PPM1B: variants seen among roughly 807,000 people sequenced by gnomAD.
PPM1B encodes the protein protein phosphatase, Mg2+/Mn2+ dependent 1B.
PPM1B carries 22 observed loss-of-function variants against 43.0 expected under a neutral mutation model. The observed-to-expected ratio is 0.51, with a 90% confidence interval of 0.37 to 0.73. The LOEUF (loss-of-function observed/expected upper bound fraction) is 0.73. PPM1B is among the 30% of genes least tolerant of loss of function. The pLI is 0.00. For synonymous variants in PPM1B, 217 were observed against 197.9 expected (o/e 1.10, Z -0.81); for missense variants, 632 against 584.2 (o/e 1.08, Z -0.84).
chr2:44,221,273 G>T (rs1669967015), intron 5 of PPM1B, among the ~76,000 whole-genome samples: 2 of 152,268 alleles, frequency 1.3e-5, no homozygotes, highest in Non-Finnish European at 2.9e-5. Context: ...ATTTTAAATG[G>T]GGAAATATTA....
chr2:44,214,636 AC>A (rs1420765072), intron 3 of PPM1B, among the ~76,000 whole-genome samples: 2 of 152,114 alleles, frequency 1.3e-5, no homozygotes, highest in Admixed American at 1.3e-4. Flanking sequence ...GGAAGCATCA[AC>A]ATAAGGGGTT....
At position 44,231,408 on chromosome 2, in the gene PPM1B, C is replaced by T. The variant is rs969541705; in HGVS notation, c.*690C>T. 4.1e-6 allele frequency: 4 copies of T among 974,288 alleles called. No homozygotes were observed. Among genetic ancestry groups the T allele is most frequent in the Non-Finnish European group, 4.9e-6 (4 of 819,958 alleles). 60.4% of individuals were successfully genotyped at this position (974,288 alleles called of 1,614,324 possible). On this transcript the variant is annotated 3_prime_UTR_variant, in exon 6 of 6. Transcript: ENST00000282412. Reference sequence around the variant, plus strand: ...TACACACATCAAAATGTATGTCAACCAAGTGTTTAGAATGAAATTATAAGT... The same window carrying T: ...TACACACATCAAAATGTATGTCAACTAAGTGTTTAGAATGAAATTATAAGT...
chr2:44,225,816 C>G (rs1268533794), intron 5 of PPM1B, among the ~76,000 whole-genome samples: 1 of 151,980 alleles, frequency 6.6e-6, no homozygotes, highest in East Asian at 1.9e-4. Context: ...ACCACCACGC[C>G]TGGCTAATTT....
intron 1 of PPM1B, among the ~76,000 whole-genome samples, chr2:44,190,375 T>G (rs1668353260): frequency 6.6e-6 from 1 of 152,120 alleles, no homozygotes; most frequent in Non-Finnish European, 1.5e-5. Context: ...GCCAGGCTGG[T>G]CTCAAACTCT....
intron 1 of PPM1B, among the ~76,000 whole-genome samples, chr2:44,200,280 AT>A (rs1668873183): frequency 6.6e-6 from 1 of 152,222 alleles, no homozygotes; most frequent in South Asian, 2.1e-4. Flanking sequence ...TGTAGAAAAC[AT>A]ACCAGAGAAT....
downstream of PPM1B, chr2:44,232,991 A>G (rs902391462): frequency 1.4e-5 from 14 of 980,788 alleles, no homozygotes; most frequent in African/African-American, 1.6e-4. Context: ...AATTTTATGC[A>G]TGTATCTACT....
chr2:44,183,632 C>T (rs1343424530), intron 1 of PPM1B, among the ~76,000 whole-genome samples: 3 of 152,166 alleles, frequency 2.0e-5, no homozygotes, highest in Admixed American at 2.0e-4. Flanking sequence ...ACCAGTGAGC[C>T]CCAGGAGGAA....
intron 5 of PPM1B, among the ~76,000 whole-genome samples, chr2:44,243,689 C>G (rs1477884314): frequency 1.3e-5 from 2 of 152,010 alleles, no homozygotes; most frequent in Non-Finnish European, 1.5e-5. Flanking sequence ...TATAAGCATT[C>G]TATTTTATCG....
intron 5 of PPM1B, among the ~76,000 whole-genome samples, chr2:44,225,224 A>G (rs1004349431): frequency 6.6e-6 from 1 of 152,240 alleles, no homozygotes; most frequent in African/African-American, 2.4e-5. Flanking sequence ...AGGAGGACAT[A>G]GAATGGAATA....
intron 1 of PPM1B, among the ~76,000 whole-genome samples, chr2:44,193,563 A>C (rs946411914): frequency 1.3e-5 from 2 of 149,820 alleles, no homozygotes; most frequent in South Asian, 4.2e-4. Context: ...CCAGCTAATT[A>C]AAATTTTTTT....
At chr2:44,234,374 C>G (rs929866149), downstream of PPM1B, 14 of 502,952 alleles carry the variant, frequency 2.8e-5, no homozygotes, top group Non-Finnish European at 3.6e-5. Context: ...CAAAGATTAG[C>G]TGGGCATGGT....
chr2:44,212,591 G>GT (rs1485387578), intron 3 of PPM1B, among the ~76,000 whole-genome samples: 1 of 152,150 alleles, frequency 6.6e-6, no homozygotes, highest in Admixed American at 6.5e-5. Context: ...TTGCTGATAT[G>GT]TTTGAGTTTA....
At chr2:44,186,606 C>A (rs1668131971) in intron 1 of PPM1B, among the ~76,000 whole-genome samples, 1 of 152,184 alleles carries the variant, frequency 6.6e-6, no homozygotes, top group Non-Finnish European at 1.5e-5. Context: ...AACTGCTGGA[C>A]TCAGGCAATC....
chr2:44,226,932 TTTTA>T (rs566508514), intron 5 of PPM1B, among the ~76,000 whole-genome samples: 8,811 of 134,926 alleles, frequency 0.065, 878 homozygotes, highest in African/African-American at 0.21. Flanking sequence ...ATGGGAAACT[TTTTA>T]TTTATTTATT....
At position 44,194,898 on chromosome 2, in the gene PPM1B, CT is replaced by C. The variant is rs796213050; in HGVS notation, c.-14-6270del. Among the ~76,000 whole-genome samples, 688 of 123,216 alleles carry C rather than the reference CT, an allele frequency of 5.6e-3. 1 individual carries two copies. Among genetic ancestry groups the C allele is most frequent in the African/African-American group, 0.014 (448 of 32,336 alleles). 80.8% of individuals were successfully genotyped at this position (123,216 alleles called of 152,430 possible). ...TGCAAGATAGACCTCCAGTCTTTTG[CT>C]TTTTTTTTTTTTTTTTTGAGACGGA... On this transcript the variant is annotated intron_variant, in intron 1 of 5. Transcript: ENST00000282412.
chr2:44,201,596 A>G lies in PPM1B; in HGVS notation c.397A>G (p.Thr133Ala), dbSNP rs1264782655. ...LRNGMDRSGS[T>A]AVGVMISPKH... Reference sequence around the variant, plus strand: ...AAACGGGATGGACAGGAGTGGTTCAACTGCAGTGGGAGTTATGATTTCACC... The same window carrying G: ...AAACGGGATGGACAGGAGTGGTTCAGCTGCAGTGGGAGTTATGATTTCACC... Residue 133 changes from threonine (T) to alanine (A), a missense_variant, in exon 2 of 6, where the codon ACT becomes GCT. Coordinates refer to ENST00000282412, the MANE Select transcript of PPM1B (RefSeq NM_002706.6). The surrounding 1 kb of genome is among the most constrained non-coding windows in gnomAD (Gnocchi z 5.4). 2 of 1,614,068 alleles carry G rather than the reference A, an allele frequency of 1.2e-6. No homozygotes were observed. The highest frequency in any genetic ancestry group is 1.7e-6 in the Non-Finnish European group (2 of 1,180,042).
intron 1 of PPM1B, among the ~76,000 whole-genome samples, chr2:44,190,078 T>C (rs1017316449): frequency 3.9e-5 from 6 of 152,098 alleles, no homozygotes; most frequent in African/African-American, 9.7e-5. Context: ...TTGGGCATTG[T>C]GGACAGATCA....
In PPM1B at chr2:44,188,244, A is replaced by T. The variant is rs1668220668; in HGVS notation, c.-14-12942A>T. Among the ~76,000 whole-genome samples, 4 of 152,310 alleles carry T rather than the reference A, an allele frequency of 2.6e-5. 1 individual carries two copies. In the Middle Eastern group the frequency reaches 0.014, roughly 518 times the overall value. ...ATGTTCCATTTGTTAACATCCTGTTATTCTATGGAAGCCAGATGAAGTATC... is the reference window on the plus strand; with the variant it reads ...ATGTTCCATTTGTTAACATCCTGTTTTTCTATGGAAGCCAGATGAAGTATC... On this transcript the variant is annotated intron_variant, in intron 1 of 5. Transcript: ENST00000282412.
intron 2 of PPM1B, among the ~76,000 whole-genome samples, chr2:44,205,918 A>G (rs936609067): frequency 6.6e-6 from 1 of 152,128 alleles, no homozygotes; most frequent in Non-Finnish European, 1.5e-5. Context: ...TTAGTTCTAA[A>G]CTCAGGAGAA....
Sources: gnomAD v4.1 joint callset for allele counts (sites outside exome capture counted in the v4.1 genomes callset) on GRCh38, gnomAD v4.1.1 for gene constraint, Gnocchi (gnomAD v3.1) non-coding constraint, MANE v1.5 for transcripts, NCBI Gene and HGNC (gene_info 2026-07-23, HGNC 2026-07-21) for gene names.